The following ZNF774 variants were observed in gnomAD, a reference collection of about 807,000 sequenced individuals.
The protein encoded by ZNF774 is zinc finger protein 774.
ZNF774 carries 14 observed loss-of-function variants against 11.1 expected under a neutral mutation model. That is an observed-to-expected ratio of 1.26 (90% CI 0.83 to 1.97). The LOEUF is 1.97. ZNF774 is among the 30% of genes most tolerant of loss of function. The pLI, the probability that ZNF774 is intolerant of heterozygous loss-of-function variation, is 0.00. For missense variants in ZNF774, 599 were observed against 587.0 expected, an observed-to-expected ratio of 1.02 and a Z score of -0.21; for synonymous variants, 195 against 212.6, an observed-to-expected ratio of 0.92 and a Z score of 0.72.
rs571216981 is a variant in ZNF774, at chr15:90,352,285, T to G, written c.-146T>G. On this transcript the variant is annotated 5_prime_UTR_variant, in exon 1 of 4. Coordinates refer to ENST00000354377, the MANE Select transcript of ZNF774 (RefSeq NM_001004309.3). Reference sequence around the variant, plus strand: ...GCTGTCGAAGCCGGAGTCCCACCTGTGTCCCCACAGCCCTGTCACGAATCC... The same window carrying G: ...GCTGTCGAAGCCGGAGTCCCACCTGGGTCCCCACAGCCCTGTCACGAATCC... The G allele has an allele frequency of 6.6e-6, 1 of 152,266 alleles. No homozygotes were observed. The highest frequency in any genetic ancestry group is 1.5e-5 in the Non-Finnish European group (1 of 68,124). The allele number at this position is 152,266 out of a possible 1,614,324, so 9.4% of individuals were successfully genotyped here.
chr15:90,360,734 C>G lies in ZNF774; in HGVS notation c.903C>G (p.Ser301Arg), dbSNP rs748158063. The change falls in exon 4 of 4, where the codon AGC becomes AGG. Residue 301 changes from serine (S) to arginine (R), a missense_variant. Physicochemically the swap from Ser to Arg is moderately radical, Grantham distance 110. Transcript: ENST00000354377. Reference sequence around the variant, plus strand: ...GTAATGACTGTGGGGAGAGTTTTAGCCAGAGCTCGGATTTGATTAAGCACC... The same window carrying G: ...GTAATGACTGTGGGGAGAGTTTTAGGCAGAGCTCGGATTTGATTAAGCACC... ...YRCNDCGESF[S>R]QSSDLIKHQR... is the part of the protein sequence containing the mutation. The G allele has an allele frequency of 1.2e-6, 2 of 1,614,126 alleles. No homozygotes were observed. The highest frequency in any genetic ancestry group is 1.7e-6 in the Non-Finnish European group (2 of 1,179,996).
chr15:90,361,432 G>A lies in ZNF774; in HGVS notation c.*149G>A. 3 of 1,457,114 alleles carry A rather than the reference G, an allele frequency of 2.1e-6. No homozygotes were observed. The highest frequency in any genetic ancestry group is 2.7e-6 in the Non-Finnish European group (3 of 1,111,618). 90.3% of individuals were successfully genotyped at this position (1,457,114 alleles called of 1,614,324 possible). A position where few individuals can be genotyped will look rare whatever the true frequency, so the allele number is the denominator to read the frequency against. ...TTCTTGTCTATGTTATAACAGAGAGGATAAACTTAAAGGGTCCAAATAACG... is the reference window on the plus strand; with the variant it reads ...TTCTTGTCTATGTTATAACAGAGAGAATAAACTTAAAGGGTCCAAATAACG... On this transcript the variant is annotated 3_prime_UTR_variant, in exon 4 of 4. Coordinates refer to ENST00000354377, the MANE Select transcript of ZNF774 (RefSeq NM_001004309.3).
Position 90,361,542 on chromosome 15 carries a change from T to C in ZNF774, c.*259T>C. On this transcript the variant is annotated 3_prime_UTR_variant, in exon 4 of 4. Transcript: ENST00000354377. The stretch of plus-strand genomic sequence containing the variant: ...AATAGTTGATGCCCGCCAGGCGTGG[T>C]GGCTCACCCCTGTAATCCCAGCACT... 8.4e-7 allele frequency: 1 copy of C among 1,184,854 alleles called. No homozygotes were observed. Among genetic ancestry groups the C allele is most frequent in the Non-Finnish European group, 1.0e-6 (1 of 953,960 alleles). The allele number at this position is 1,184,854 out of a possible 1,614,324, so 73.4% of individuals were successfully genotyped here.
Position 90,360,454 on chromosome 15 carries a change from A to C in ZNF774, c.623A>C (p.Gln208Pro). ...RRTHTGEKPYQCKGCEKKFSD... is the reference protein window; with the variant it reads ...RRTHTGEKPYPCKGCEKKFSD... ...ACACACACAGGAGAGAAGCCCTACC[A>C]ATGCAAGGGGTGTGAGAAGAAATTC... The change falls in exon 4 of 4, where the codon CAA becomes CCA. Residue 208 changes from glutamine (Q) to proline (P), a missense_variant. Physicochemically the swap from Gln to Pro is moderately conservative, Grantham distance 76. Coordinates refer to ENST00000354377, the MANE Select transcript of ZNF774 (RefSeq NM_001004309.3). 1 of 1,613,658 alleles carries C rather than the reference A, an allele frequency of 6.2e-7. No homozygotes were observed. The highest frequency in any genetic ancestry group is 8.5e-7 in the Non-Finnish European group (1 of 1,179,972).
chr15:90,355,835 C>T (rs1397382289), intron 2 of ZNF774, among the ~76,000 whole-genome samples: 1 of 150,952 alleles, frequency 6.6e-6, no homozygotes, highest in Non-Finnish European at 1.5e-5. Context: ...TCGAGACCAT[C>T]CTGGCTAACA....
chr15:90,359,121 G>A (rs1022151626), intron 3 of ZNF774, among the ~76,000 whole-genome samples, 164 bp downstream of exon 3: 5 of 147,080 alleles, frequency 3.4e-5, no homozygotes, highest in East Asian at 4.0e-4. Context: ...GCCGGACTGC[G>A]GACTGCAGTG....
At chr15:90,353,531 A>G (rs987307123) in intron 1 of ZNF774, among the ~76,000 whole-genome samples, 1 of 151,022 alleles carries the variant, frequency 6.6e-6, no homozygotes, top group Admixed American at 6.6e-5. Flanking sequence ...CTTCTTCACC[A>G]CAGTCTGGTC....
chr15:90,361,195 G>C lies in ZNF774; in HGVS notation c.1364G>C (p.Gly455Ala). 6.2e-7 allele frequency: 1 copy of C among 1,614,078 alleles called. No individual in the cohort carries two copies. The highest frequency in any genetic ancestry group is 1.3e-5 in the African/African-American group (1 of 75,034). Residue 455 changes from glycine (G) to alanine (A), a missense_variant, in exon 4 of 4, where the codon GGA becomes GCA. By Grantham distance (60) the Gly-to-Ala change is moderately conservative. Transcript: ENST00000354377. ...CTCACACACCAGAGAACGCATACAG[G>C]AGAAAAACCTTTCCACTGTAGTAAA... The part of the protein sequence containing the change: ...HFLTHQRTHT[G>A]EKPFHCSKCN...
Position 90,360,222 on chromosome 15 carries a change from G to A in ZNF774, c.391G>A (p.Glu131Lys). 1 of 1,614,208 alleles carries A rather than the reference G, an allele frequency of 6.2e-7. No individual in the cohort carries two copies. Among genetic ancestry groups the A allele is most frequent in the South Asian group, 1.1e-5 (1 of 91,080 alleles). ...AACCCTTCCAGGAGAGGGCCAGCTGGAGTCCTTTTCACAGGAGAGGGATTT... is the reference window on the plus strand; with the variant it reads ...AACCCTTCCAGGAGAGGGCCAGCTGAAGTCCTTTTCACAGGAGAGGGATTT... The part of the protein sequence containing the change: ...HGTLPGEGQL[E>K]SFSQERDLNK... Residue 131 changes from glutamate (E) to lysine (K), a missense_variant, in exon 4 of 4, where the codon GAG becomes AAG. By Grantham distance (56) the Glu-to-Lys change is moderately conservative. Transcript: ENST00000354377.
At chr15:90,359,109 A>C (rs1596231167) in intron 3 of ZNF774, 152 bp downstream of exon 3, 1 of 498,208 alleles carries the variant, frequency 2.0e-6, no homozygotes, top group South Asian at 2.1e-5. Flanking sequence ...TCTGTCGCCC[A>C]GGCCGGACTG....
intron 1 of ZNF774, among the ~76,000 whole-genome samples, chr15:90,353,038 T>C (rs911833758): frequency 3.3e-5 from 5 of 152,110 alleles, no homozygotes; most frequent in African/African-American, 4.8e-5. Flanking sequence ...CGCTATCTCC[T>C]TTCACTGCAG....
In ZNF774 at chr15:90,360,167, G is replaced by T; in HGVS notation, c.336G>T (p.Glu112Asp). 6.2e-7 allele frequency: 1 copy of T among 1,614,222 alleles called. No individual in the cohort carries two copies. Among genetic ancestry groups the T allele is most frequent in the Non-Finnish European group, 8.5e-7 (1 of 1,180,042 alleles). ...SHTLSWGGNWEQGLELEGQHG... is the reference protein window; with the variant it reads ...SHTLSWGGNWDQGLELEGQHG... ...CTCTTAGTTGGGGAGGAAACTGGGA[G>T]CAAGGCCTAGAATTAGAAGGGCAAC... Residue 112 changes from glutamate (E) to aspartate (D), a missense_variant, in exon 4 of 4, where the codon GAG becomes GAT. By Grantham distance (45) the Glu-to-Asp change is conservative. Coordinates refer to ENST00000354377, the MANE Select transcript of ZNF774 (RefSeq NM_001004309.3).
chr15:90,352,666 G>A (rs943068205), intron 1 of ZNF774, among the ~76,000 whole-genome samples: 1 of 152,084 alleles, frequency 6.6e-6, no homozygotes, highest in Non-Finnish European at 1.5e-5. Flanking sequence ...CCCTCTGACC[G>A]CCGCACCCCG....
intron 3 of ZNF774, 81 bp downstream of exon 3, chr15:90,359,038 G>C: frequency 3.6e-6 from 3 of 838,668 alleles, no homozygotes; most frequent in Middle Eastern, 2.8e-4. Flanking sequence ...TGCTGCCTTA[G>C]AATTTTGTTC....
rs921287875 is a variant in ZNF774, at chr15:90,354,408, G to A, written c.-19-234G>A. 3.9e-5 allele frequency among the ~76,000 whole-genome samples: 6 copies of A among 152,186 alleles called. 1 individual carries two copies. Among genetic ancestry groups the A allele is most frequent in the Admixed American group, 3.9e-4 (6 of 15,276 alleles). ...TGTGTCTAAAAGACTGGGTTCTGTC[G>A]ATGTGTTTGGGAGGCCTAGGCCTCT... On this transcript the variant is annotated intron_variant, in intron 1 of 3. Coordinates refer to ENST00000354377, the MANE Select transcript of ZNF774 (RefSeq NM_001004309.3).
At chr15:90,359,241 T>C in intron 3 of ZNF774, among the ~76,000 whole-genome samples, 1 of 144,970 alleles carries the variant, frequency 6.9e-6, no homozygotes. Flanking sequence ...CCCGGCTAAT[T>C]TTTTGTATTT....
intron 1 of ZNF774, among the ~76,000 whole-genome samples, chr15:90,353,579 G>C (rs1964203610): frequency 6.7e-6 from 1 of 150,056 alleles, no homozygotes; most frequent in Non-Finnish European, 1.5e-5. Flanking sequence ...TGTAGTGGGT[G>C]GTCATGCTGG....
At chr15:90,358,771 G>A (rs1239441702) in intron 2 of ZNF774, 80 bp from the exon 3 acceptor site, 1 of 1,112,372 alleles carries the variant, frequency 9.0e-7, no homozygotes, top group Non-Finnish European at 1.3e-6. Flanking sequence ...CCATACCTAG[G>A]CAGGGAGTAG....
chr15:90,357,896 A>ATT lies in ZNF774; in HGVS notation c.105-939_105-938dup, dbSNP rs59624159. The stretch of plus-strand genomic sequence containing the variant: ...GCCAATGGATCTTATTCTTATCCCA[A>ATT]TTTTTTTTTTTTTTTTTGAGATGGA... On this transcript the variant is annotated intron_variant, in intron 2 of 3. Transcript: ENST00000354377. Among the ~76,000 whole-genome samples the ATT allele has an allele frequency of 4.7e-3, 648 of 137,628 alleles. 7 individuals are homozygous for ATT. The highest frequency in any genetic ancestry group is 0.013 in the African/African-American group (471 of 37,314). The allele number at this position is 137,628 out of a possible 152,430, so 90.3% of individuals were successfully genotyped here.
Sources: gnomAD v4.1 joint callset for allele counts (sites outside exome capture counted in the v4.1 genomes callset) on GRCh38, gnomAD v4.1.1 for gene constraint, MANE v1.5 for transcripts, NCBI Gene and HGNC (gene_info 2026-07-23, HGNC 2026-07-21) for gene names.